ITFG1: variants seen among roughly 807,000 people sequenced by gnomAD.
ITFG1 encodes integrin alpha FG-GAP repeat containing 1, also known as T-cell immunomodulatory protein.
A neutral mutation model predicts 81.8 loss-of-function variants in ITFG1; 34 were observed. The observed-to-expected ratio is 0.42, with a 90% CI of 0.32 to 0.55. The LOEUF (loss-of-function observed/expected upper bound fraction) is 0.55. ITFG1 is among the 20% of genes least tolerant of loss of function. The probability of loss-of-function intolerance (pLI) is 0.17; values close to 1 mark genes in which losing one functional copy is unlikely to be tolerated. For missense variants in ITFG1, 672 were observed against 755.4 expected (o/e 0.89, Z 1.29); for synonymous variants, 285 against 270.6 (o/e 1.05, Z -0.52).
chr16:47,436,732 C>T (rs947368624), intron 5 of ITFG1, among the ~76,000 whole-genome samples: 13 of 152,140 alleles, frequency 8.5e-5, no homozygotes, highest in Non-Finnish European at 1.5e-4. Flanking sequence ...TACTTATCAA[C>T]AAAAATAACT....
chr16:47,196,992 ACT>A (rs988528141), intron 14 of ITFG1, among the ~76,000 whole-genome samples: 1 of 151,970 alleles, frequency 6.6e-6, no homozygotes, highest in Non-Finnish European at 1.5e-5. Context: ...CTGACAAAAC[ACT>A]CTCTGGCAAA....
intron 10 of ITFG1, among the ~76,000 whole-genome samples, chr16:47,289,846 C>G (rs536026109): frequency 5.9e-5 from 9 of 152,046 alleles, no homozygotes; most frequent in African/African-American, 1.9e-4. Flanking sequence ...AGTAAAATTT[C>G]TGCTCTGATC....
Position 47,411,613 on chromosome 16 carries a change from C to T in ITFG1, c.655+17191G>A, listed in dbSNP as rs192288007. ...TCTGACTCTGCCAAGCAAAGATGGACGACCAGCAGGACTCTGAATGCTGGT... is the reference window on the plus strand; with the variant it reads ...TCTGACTCTGCCAAGCAAAGATGGATGACCAGCAGGACTCTGAATGCTGGT... On this transcript the variant is annotated intron_variant, in intron 6 of 17. Coordinates refer to ENST00000320640, the MANE Select transcript of ITFG1 (RefSeq NM_030790.5). 1.3e-4 allele frequency among the ~76,000 whole-genome samples: 20 copies of T among 152,224 alleles called. No individual in the cohort carries two copies. The East Asian group carries it at 3.3e-3, about 25-fold the overall frequency.
At chr16:47,216,373 G>C (rs975115032) in intron 14 of ITFG1, among the ~76,000 whole-genome samples, 2 of 151,858 alleles carry the variant, frequency 1.3e-5, no homozygotes, top group African/African-American at 4.8e-5. Context: ...TCTTTTTTTT[G>C]CATTTTCAGT....
chr16:47,316,520 A>G (rs998912335), intron 8 of ITFG1, among the ~76,000 whole-genome samples: 3 of 152,206 alleles, frequency 2.0e-5, no homozygotes, highest in African/African-American at 7.2e-5. Flanking sequence ...GTTTACACAC[A>G]AACAATGCAT....
intron 14 of ITFG1, among the ~76,000 whole-genome samples, chr16:47,206,663 G>A (rs1965503443): frequency 1.3e-5 from 2 of 152,146 alleles, no homozygotes; most frequent in Admixed American, 1.3e-4. Flanking sequence ...TCATTTAGCA[G>A]GTATTCAAGG....
rs142632415 is a variant in ITFG1 at position 47,238,154 on chromosome 16, T to C, written c.1331-146A>G. The C allele has an allele frequency of 3.5e-4, 197 of 566,878 alleles. No homozygotes were observed. In the East Asian group the frequency reaches 6.7e-3, roughly 19 times the overall value. 35.1% of individuals were successfully genotyped at this position (566,878 alleles called of 1,614,324 possible). ...TTCAATTTCTTTAGATCTGAGCAAA[T>C]TAAAGTTCTGTTGTTCACTTTATAC... On this transcript the variant is annotated intron_variant, in intron 12 of 17. Transcript: ENST00000320640.
At chr16:47,277,760 TG>T (rs1966413293) in intron 10 of ITFG1, among the ~76,000 whole-genome samples, 3 of 152,328 alleles carry the variant, frequency 2.0e-5, no homozygotes, top group African/African-American at 7.2e-5. Context: ...AGAAGTAGTA[TG>T]TACGCACAAA....
intron 10 of ITFG1, among the ~76,000 whole-genome samples, chr16:47,309,749 T>A (rs1325912248): frequency 6.6e-6 from 1 of 152,268 alleles, no homozygotes; most frequent in Non-Finnish European, 1.5e-5. Flanking sequence ...AGCTAAAATG[T>A]TCACTGCTGA....
At chr16:47,448,580 T>G (rs1969349657) in intron 5 of ITFG1, 1 of 151,968 alleles carries the variant, frequency 6.6e-6, no homozygotes, top group Non-Finnish European at 1.5e-5. Context: ...AGAACGTATT[T>G]GAACTCAGTA....
chr16:47,309,450 A>C (rs1474711558), intron 10 of ITFG1, among the ~76,000 whole-genome samples: 1 of 152,214 alleles, frequency 6.6e-6, no homozygotes, highest in African/African-American at 2.4e-5. Flanking sequence ...TTTGAATTTT[A>C]GAAAATGATC....
At chr16:47,301,482 C>T (rs534372140) in intron 10 of ITFG1, among the ~76,000 whole-genome samples, 4 of 151,918 alleles carry the variant, frequency 2.6e-5, no homozygotes, top group East Asian at 1.9e-4. Flanking sequence ...CTGTAACCTC[C>T]GTCTTCCAGG....
intron 6 of ITFG1, among the ~76,000 whole-genome samples, chr16:47,417,527 C>T (rs1968889640): frequency 6.6e-6 from 1 of 152,122 alleles, no homozygotes; most frequent in African/African-American, 2.4e-5. Flanking sequence ...TACCCATTAA[C>T]CACTCTTTTT....
intron 2 of ITFG1, 127 bp downstream of exon 2, chr16:47,458,974 CAT>C: frequency 3.4e-6 from 2 of 595,942 alleles, no homozygotes; most frequent in Non-Finnish European, 6.0e-6. Flanking sequence ...ACTTGCTACT[CAT>C]ACCTCACAAA....
At chr16:47,241,710 C>T (rs567164141) in intron 12 of ITFG1, among the ~76,000 whole-genome samples, 146 of 152,238 alleles carry the variant, frequency 9.6e-4, no homozygotes, top group Middle Eastern at 3.4e-3. Context: ...AATCCCAGCA[C>T]TTTGGGAGGC....
chr16:47,346,615 A>C (rs1357573396), intron 8 of ITFG1, among the ~76,000 whole-genome samples: 1 of 152,222 alleles, frequency 6.6e-6, no homozygotes, highest in African/African-American at 2.4e-5. Flanking sequence ...ACAAAGGAAC[A>C]TAAGAGATTA....
At chr16:47,396,212 T>C (rs1001854616) in intron 6 of ITFG1, 3 of 978,150 alleles carry the variant, frequency 3.1e-6, no homozygotes, top group Non-Finnish European at 1.2e-6. Flanking sequence ...TCAGAGCAAA[T>C]ACATTGTTAA....
intron 8 of ITFG1, among the ~76,000 whole-genome samples, chr16:47,328,968 C>G (rs1025243121): frequency 2.0e-5 from 3 of 152,074 alleles, no homozygotes; most frequent in Non-Finnish European, 4.4e-5. Flanking sequence ...TTCGTCAGTA[C>G]GATCCTGCAT....
At chr16:47,430,694 C>A (rs1969084368) in intron 5 of ITFG1, among the ~76,000 whole-genome samples, 1 of 152,140 alleles carries the variant, frequency 6.6e-6, no homozygotes, top group Non-Finnish European at 1.5e-5. Context: ...GTCCCTACTT[C>A]ACACTACATA....
Sources: allele counts gnomAD v4.1 joint callset (sites outside exome capture counted in the v4.1 genomes callset), GRCh38; gene constraint gnomAD v4.1.1; transcripts MANE v1.5; gene names NCBI Gene and HGNC (gene_info 2026-07-23, HGNC 2026-07-21).